Variants in CHST15 observed in about 807,000 individuals in gnomAD.
The protein encoded by CHST15 is carbohydrate sulfotransferase 15.
CHST15 carries 30 observed loss-of-function variants against 53.6 expected under a neutral mutation model. That is an observed-to-expected ratio of 0.56 (90% CI 0.42 to 0.76). The LOEUF is 0.76. Ranked by LOEUF, CHST15 falls within the 30% of genes least tolerant of loss-of-function variation. The pLI is 0.00. For synonymous variants in CHST15, 296 were observed against 289.8 expected, an observed-to-expected ratio of 1.02 and a Z score of -0.22; for missense variants, 627 against 740.5, an observed-to-expected ratio of 0.85 and a Z score of 1.78.
chr10:124,061,150 C>T (rs898129621), intron 1 of CHST15, among the ~76,000 whole-genome samples: 1 of 152,204 alleles, frequency 6.6e-6, no homozygotes, highest in Non-Finnish European at 1.5e-5. Context: ...CTGCCTCTCA[C>T]TTCATGGAGG....
rs988792930 is a variant in CHST15 at position 124,008,468 on chromosome 10, C to T, written c.*1681G>A. 7 of 991,140 alleles carry T rather than the reference C, an allele frequency of 7.1e-6. No homozygotes were observed. In the African/African-American group the frequency reaches 1.0e-4, roughly 15 times the overall value. 61.4% of individuals were successfully genotyped at this position (991,140 alleles called of 1,614,324 possible). A position where few individuals can be genotyped will look rare whatever the true frequency, so the allele number is the denominator to read the frequency against. On this transcript the variant is annotated 3_prime_UTR_variant, in exon 8 of 8. Transcript: ENST00000435907. ...TGCTGGCGGCTGCTCCCAGTGCCGG[C>T]TATAGAGAAGGTGGGGACTGTCCCT...
chr10:124,074,582 C>T lies in CHST15; in HGVS notation c.-513+18887G>A, dbSNP rs763397522. ...ACACCCAACACCTTCGCCACGTCTG[C>T]AGTCTCTGCCTCCTCTCCCTCCGCG... On this transcript the variant is annotated intron_variant, in intron 1 of 7. Coordinates refer to ENST00000435907, the MANE Select transcript of CHST15 (RefSeq NM_001270764.2). This position sits in a 1 kb window ranked among gnomAD's most constrained non-coding sequence, Gnocchi z 4.4. Among the ~76,000 whole-genome samples the T allele has an allele frequency of 3.3e-5, 5 of 152,170 alleles. No homozygotes were observed. Among genetic ancestry groups the T allele is most frequent in the Admixed American group, 6.5e-5 (1 of 15,276 alleles).
At chr10:124,071,329 G>A (rs927608092) in intron 1 of CHST15, among the ~76,000 whole-genome samples, 1 of 152,326 alleles carries the variant, frequency 6.6e-6, no homozygotes, top group East Asian at 1.9e-4. Flanking sequence ...GTGGCCTTGT[G>A]GCCATCTATA....
chr10:124,031,244 G>T (rs902039701), intron 5 of CHST15, among the ~76,000 whole-genome samples: 1 of 152,216 alleles, frequency 6.6e-6, no homozygotes, highest in Non-Finnish European at 1.5e-5. Flanking sequence ...GAGAGCAAAC[G>T]GGATGGATTT....
Position 124,046,161 on chromosome 10 carries a change from T to G in CHST15, c.52A>C (p.Lys18Gln), listed in dbSNP as rs750501776. 1 of 1,613,972 alleles carries G rather than the reference T, an allele frequency of 6.2e-7. No homozygotes were observed. Among genetic ancestry groups the G allele is most frequent in the South Asian group, 1.1e-5 (1 of 91,064 alleles). Residue 18 changes from lysine (K) to glutamine (Q), a missense_variant, in exon 2 of 8, where the codon AAG (lysine) becomes CAG (glutamine). Coordinates refer to ENST00000435907, the MANE Select transcript of CHST15 (RefSeq NM_001270764.2). ...CIQLLPDGAH[K>Q]QQVNCQGGPH... ...CCCCCTTGGCAGTTGACCTGCTGCTTGTGTGCGCCGTCGGGTAACAGCTGT... is the reference window on the plus strand; with the variant it reads ...CCCCCTTGGCAGTTGACCTGCTGCTGGTGTGCGCCGTCGGGTAACAGCTGT...
intron 1 of CHST15, chr10:124,092,488 G>A (rs1432201791): frequency 6.6e-6 from 1 of 152,130 alleles, no homozygotes; most frequent in African/African-American, 2.4e-5. Context: ...GAGGAAGGAG[G>A]AGGGGGCGGG....
chr10:124,067,866 C>T (rs748906136), intron 1 of CHST15, among the ~76,000 whole-genome samples: 2 of 152,184 alleles, frequency 1.3e-5, no homozygotes, highest in African/African-American at 4.8e-5. Flanking sequence ...CCGCTGGCCT[C>T]GGCCTCCCAG....
At chr10:124,013,002 A>T (rs1946462804) in intron 6 of CHST15, among the ~76,000 whole-genome samples, 1 of 152,188 alleles carries the variant, frequency 6.6e-6, no homozygotes, top group Non-Finnish European at 1.5e-5. Flanking sequence ...AGTACACAGG[A>T]GGATGTTTCT....
intron 1 of CHST15, among the ~76,000 whole-genome samples, chr10:124,062,766 C>G (rs932074548): frequency 6.6e-6 from 1 of 152,034 alleles, no homozygotes; most frequent in African/African-American, 2.4e-5. Context: ...GAAGGGAGCC[C>G]GAGGCTCTGA....
intron 1 of CHST15, among the ~76,000 whole-genome samples, chr10:124,055,273 T>C (rs1948338201): frequency 6.6e-6 from 1 of 152,124 alleles, no homozygotes; most frequent in Non-Finnish European, 1.5e-5. Context: ...ACTAACAAAG[T>C]GTGTTTGCTT....
rs144190606 is a variant in CHST15, at chr10:124,023,485, C to CAA, written c.1191-2075_1191-2074dup. On this transcript the variant is annotated intron_variant, in intron 5 of 7. Coordinates refer to ENST00000435907, the MANE Select transcript of CHST15 (RefSeq NM_001270764.2). ...GGGCAATGGGAGTGAGAACCTCTCT[C>CAA]AAAAAAAAAAAAAAGAGGTGTTTTT... is the stretch of plus-strand genomic sequence containing the variant. Among the ~76,000 whole-genome samples the CAA allele has an allele frequency of 7.8e-4, 106 of 135,170 alleles. 1 individual carries two copies. In the East Asian group the frequency reaches 9.8e-3, roughly 13 times the overall value. 88.7% of individuals were successfully genotyped at this position (135,170 alleles called of 152,430 possible). A position where few individuals can be genotyped will look rare whatever the true frequency, so the allele number is the denominator to read the frequency against.
At chr10:124,015,392 C>T (rs1189620742) in intron 6 of CHST15, among the ~76,000 whole-genome samples, 1 of 133,214 alleles carries the variant, frequency 7.5e-6, no homozygotes, top group Non-Finnish European at 1.6e-5. Context: ...AGGTGCAGGG[C>T]AGGGCGGGGG....
rs1476026834 is a variant in CHST15 at position 124,036,131 on chromosome 10, G to C, written c.1190+2384C>G. Among the ~76,000 whole-genome samples, 1 of 152,256 alleles carries C rather than the reference G, an allele frequency of 6.6e-6. No homozygotes were observed. Among genetic ancestry groups the C allele is most frequent in the East Asian group, 1.9e-4 (1 of 5,194 alleles). On this transcript the variant is annotated intron_variant, in intron 5 of 7. Transcript: ENST00000435907. The surrounding 1 kb of genome is among the most constrained non-coding windows in gnomAD (Gnocchi z 5.1). ...ACCGAGCACTTGCGCCCTTCAGCTGGGGGCCGTGTCGGGGAGGGAGGCAGA... is the reference window on the plus strand; with the variant it reads ...ACCGAGCACTTGCGCCCTTCAGCTGCGGGCCGTGTCGGGGAGGGAGGCAGA...
intron 3 of CHST15, 35 bp downstream of exon 3, chr10:124,044,545 G>C: frequency 6.9e-7 from 1 of 1,443,162 alleles, no homozygotes; most frequent in Non-Finnish European, 9.1e-7. Flanking sequence ...ATGAAGGAAC[G>C]AGACCAGACA....
At chr10:124,075,083 C>T (rs4929817) in intron 1 of CHST15, among the ~76,000 whole-genome samples, 151,231 of 152,382 alleles carry the variant, frequency 0.99, 75,046 homozygotes, top group Middle Eastern at 1. Context: ...AATACAAATA[C>T]TGTGAAGTTT....
chr10:124,015,878 G>A lies in CHST15; in HGVS notation c.1348-3398C>T, dbSNP rs377664357. Among the ~76,000 whole-genome samples, 7 of 152,234 alleles carry A rather than the reference G, an allele frequency of 4.6e-5. No homozygotes were observed. In the South Asian group the frequency reaches 1.0e-3, roughly 22 times the overall value. ...CAGTCAGAGTAAAGCAAGCCCTGGA[G>A]CAAGTCTCCCCGACCCCAGAGGGCA... On this transcript the variant is annotated intron_variant, in intron 6 of 7. Transcript: ENST00000435907.
intron 5 of CHST15, among the ~76,000 whole-genome samples, 165 bp from the exon 6 acceptor site, chr10:124,021,577 G>A (rs748165514): frequency 3.3e-5 from 5 of 151,942 alleles, no homozygotes; most frequent in African/African-American, 4.8e-5. Flanking sequence ...TCATCCCTCC[G>A]AGCTCCCGCC....
intron 6 of CHST15, among the ~76,000 whole-genome samples, chr10:124,016,506 G>C (rs915236851): frequency 6.6e-6 from 1 of 152,176 alleles, no homozygotes; most frequent in Non-Finnish European, 1.5e-5. Flanking sequence ...TCTGAGCAGA[G>C]GCACCTGCTA....
At chr10:124,086,355 T>C (rs1238556077) in intron 1 of CHST15, among the ~76,000 whole-genome samples, 1 of 152,200 alleles carries the variant, frequency 6.6e-6, no homozygotes, top group Non-Finnish European at 1.5e-5. Flanking sequence ...ACCCCAGATG[T>C]TTCCTTCCAT....
Sources: gnomAD v4.1 joint callset for allele counts (sites outside exome capture counted in the v4.1 genomes callset) on GRCh38, gnomAD v4.1.1 for gene constraint, Gnocchi (gnomAD v3.1) non-coding constraint, MANE v1.5 for transcripts, NCBI Gene and HGNC (gene_info 2026-07-23, HGNC 2026-07-21) for gene names.